The following EEF1AKMT1 variants were observed in gnomAD, a reference collection of about 807,000 sequenced individuals.
EEF1AKMT1 encodes N-6 adenine-specific DNA methyltransferase 2 (putative).
A neutral mutation model predicts 21.0 loss-of-function variants in EEF1AKMT1; 18 were observed. That is an observed-to-expected ratio of 0.86 (90% confidence interval 0.59 to 1.27). The LOEUF (loss-of-function observed/expected upper bound fraction) is 1.27, where lower values mean the gene tolerates loss of function less well. Ranked by LOEUF, EEF1AKMT1 falls within the 50% of genes most tolerant of loss-of-function variation. The pLI is 0.00. For missense variants in EEF1AKMT1, 246 were observed against 258.6 expected (o/e 0.95, Z 0.33); for synonymous variants, 109 against 94.8 (o/e 1.15, Z -0.87).
At chr13:20,759,802 T>C (rs971577837) in intron 1 of EEF1AKMT1, among the ~76,000 whole-genome samples, 3 of 151,934 alleles carry the variant, frequency 2.0e-5, no homozygotes, top group Non-Finnish European at 4.4e-5. Context: ...GGAATGGCTA[T>C]TATTAAAAAG....
intron 4 of EEF1AKMT1, among the ~76,000 whole-genome samples, chr13:20,730,053 C>G (rs930699291): frequency 1.3e-5 from 2 of 152,258 alleles, no homozygotes; most frequent in East Asian, 3.9e-4. Context: ...GTGGCCGTGG[C>G]TCCTGACCCC....
intron 2 of EEF1AKMT1, among the ~76,000 whole-genome samples, chr13:20,751,925 T>C (rs758209484): frequency 2.6e-5 from 4 of 152,174 alleles, no homozygotes; most frequent in Admixed American, 2.0e-4. Flanking sequence ...CAGGATTGCC[T>C]TCTCGATTTC....
At chr13:20,746,510 G>T (rs2058905598) in intron 2 of EEF1AKMT1, among the ~76,000 whole-genome samples, 1 of 152,134 alleles carries the variant, frequency 6.6e-6, no homozygotes, top group Admixed American at 6.5e-5. Context: ...CTCTGCAAAG[G>T]ACATCTGGAA....
intron 2 of EEF1AKMT1, among the ~76,000 whole-genome samples, chr13:20,752,959 A>C (rs1440095822): frequency 1.3e-5 from 2 of 151,088 alleles, no homozygotes; most frequent in African/African-American, 4.9e-5. Context: ...GCTCTTCATT[A>C]TTTCTTTCCT....
chr13:20,742,594 C>T (rs898431364), intron 2 of EEF1AKMT1, among the ~76,000 whole-genome samples: 12 of 152,194 alleles, frequency 7.9e-5, no homozygotes, highest in African/African-American at 2.9e-4. Context: ...AACATGAGTG[C>T]CTGCTGATAC....
At chr13:20,735,787 G>A (rs780357703) in intron 3 of EEF1AKMT1, among the ~76,000 whole-genome samples, 9 of 151,972 alleles carry the variant, frequency 5.9e-5, no homozygotes, top group African/African-American at 9.7e-5. Flanking sequence ...AGGGAGAAGA[G>A]AACTTTAAAA....
chr13:20,769,156 C>T (rs901378249), intron 1 of EEF1AKMT1: 8 of 152,174 alleles, frequency 5.3e-5, no homozygotes, highest in Admixed American at 2.0e-4. Flanking sequence ...ATGTAAACAA[C>T]TTTAGCCTTT....
intron 3 of EEF1AKMT1, among the ~76,000 whole-genome samples, chr13:20,734,577 ATTATTTATTTAT>A (rs10594463): frequency 1.4e-5 from 2 of 147,664 alleles, no homozygotes; most frequent in East Asian, 2.0e-4. Context: ...TCTTTATTTT[ATTATTTATTTAT>A]TTATTTATTT....
At chr13:20,743,603 T>C in intron 2 of EEF1AKMT1, among the ~76,000 whole-genome samples, 1 of 151,806 alleles carries the variant, frequency 6.6e-6, no homozygotes. Flanking sequence ...TTAGAATAGT[T>C]TGCTTGAGAG....
At position 20,743,659 on chromosome 13, in the gene EEF1AKMT1, CTTTT is replaced by C. The variant is rs558443843; in HGVS notation, c.145-5858_145-5855del. Among the ~76,000 whole-genome samples the C allele has an allele frequency of 8.9e-5, 11 of 123,672 alleles. No homozygotes were observed. The East Asian group carries it at 2.0e-3, about 23-fold the overall frequency. The allele number at this position is 123,672 out of a possible 152,430, so 81.1% of individuals were successfully genotyped here. On this transcript the variant is annotated intron_variant, in intron 2 of 4. Coordinates refer to ENST00000382758, the MANE Select transcript of EEF1AKMT1 (RefSeq NM_001318939.2). ...TTGTTACACTACACTTGACCTTGTG[CTTTT>C]TTTTTTTTTTTCTCGTATTTTTATT...
chr13:20,735,785 G>C (rs1481512411), intron 3 of EEF1AKMT1, among the ~76,000 whole-genome samples: 1 of 152,114 alleles, frequency 6.6e-6, no homozygotes, highest in Admixed American at 6.6e-5. Flanking sequence ...GGAGGGAGAA[G>C]AGAACTTTAA....
At chr13:20,739,305 C>CA (rs1048080737) in intron 2 of EEF1AKMT1, among the ~76,000 whole-genome samples, 1 of 152,164 alleles carries the variant, frequency 6.6e-6, no homozygotes, top group Non-Finnish European at 1.5e-5. Context: ...TTGTGAGGAG[C>CA]AAAAGAACAA....
intron 2 of EEF1AKMT1, among the ~76,000 whole-genome samples, chr13:20,748,976 C>T (rs73167418): frequency 0.093 from 14,140 of 152,024 alleles, 805 homozygotes; most frequent in Non-Finnish European, 0.13. Context: ...AGATCTACCC[C>T]GCTAGGCCTC....
chr13:20,745,946 A>G (rs1391474971), intron 2 of EEF1AKMT1, among the ~76,000 whole-genome samples: 1 of 152,226 alleles, frequency 6.6e-6, no homozygotes, highest in Non-Finnish European at 1.5e-5. Flanking sequence ...CGTGGTATGA[A>G]TGAAAACATT....
At chr13:20,742,178 A>G (rs921693976) in intron 2 of EEF1AKMT1, among the ~76,000 whole-genome samples, 3 of 152,228 alleles carry the variant, frequency 2.0e-5, no homozygotes. Context: ...ACCAATTAAA[A>G]TGACTACTAA....
chr13:20,762,790 A>G (rs1022216208), intron 1 of EEF1AKMT1, among the ~76,000 whole-genome samples: 1 of 152,182 alleles, frequency 6.6e-6, no homozygotes, highest in Non-Finnish European at 1.5e-5. Context: ...CTGGGATTAC[A>G]GGTGTGAGTC....
intron 1 of EEF1AKMT1, among the ~76,000 whole-genome samples, chr13:20,760,384 G>A (rs1167984067): frequency 6.6e-6 from 1 of 152,126 alleles, no homozygotes; most frequent in Non-Finnish European, 1.5e-5. Context: ...CATGTCCTTT[G>A]CAGCAACATG....
At chr13:20,773,315 C>T (rs2059071359) in intron 1 of EEF1AKMT1, among the ~76,000 whole-genome samples, 1 of 152,160 alleles carries the variant, frequency 6.6e-6, no homozygotes, top group African/African-American at 2.4e-5. Flanking sequence ...CGGTAGGGAC[C>T]CGCTATCGTC....
At chr13:20,766,968 A>G (rs2059037404) in intron 1 of EEF1AKMT1, among the ~76,000 whole-genome samples, 1 of 152,168 alleles carries the variant, frequency 6.6e-6, no homozygotes, top group Non-Finnish European at 1.5e-5. Context: ...TGTTAAATTA[A>G]AAACTCATAC....
Sources: allele counts gnomAD v4.1 joint callset (sites outside exome capture counted in the v4.1 genomes callset), GRCh38; gene constraint gnomAD v4.1.1; transcripts MANE v1.5; gene names NCBI Gene and HGNC (gene_info 2026-07-23, HGNC 2026-07-21).